Variants in MAN1A2 observed in about 807,000 individuals in gnomAD.
The protein encoded by MAN1A2 is mannosyl-oligosaccharide 1,2-alpha-mannosidase IB.
Under a neutral mutation model 75.7 loss-of-function variants are expected in MAN1A2, and 26 were observed. The observed-to-expected ratio is 0.34, with a 90% CI of 0.25 to 0.48. MAN1A2 has a LOEUF of 0.48. Among genes scored for constraint, MAN1A2 ranks in the 20% least tolerant of loss-of-function variants. MAN1A2 has a pLI of 0.99. For synonymous variants in MAN1A2, 247 were observed against 264.6 expected (o/e 0.93, Z 0.65); for missense variants, 562 against 775.5 (o/e 0.72, Z 3.27).
chr1:117,388,762 A>G (rs941193435), intron 1 of MAN1A2, among the ~76,000 whole-genome samples: 3 of 152,222 alleles, frequency 2.0e-5, no homozygotes, highest in Non-Finnish European at 4.4e-5. Flanking sequence ...AGATGCCTGT[A>G]GTACTAATAA....
chr1:117,487,623 C>T (rs565179408), intron 8 of MAN1A2, among the ~76,000 whole-genome samples: 17 of 151,982 alleles, frequency 1.1e-4, no homozygotes, highest in African/African-American at 3.4e-4. Flanking sequence ...TTAACATAAC[C>T]GCAAAATAGA....
chr1:117,401,099 A>T (rs1443232932), intron 1 of MAN1A2, among the ~76,000 whole-genome samples: 3 of 151,262 alleles, frequency 2.0e-5, no homozygotes, highest in Admixed American at 1.3e-4. Flanking sequence ...TACCTTCTAC[A>T]AGTGGAATCA....
At chr1:117,445,873 T>TA in intron 6 of MAN1A2, among the ~76,000 whole-genome samples, 1 of 122,104 alleles carries the variant, frequency 8.2e-6, no homozygotes, top group Non-Finnish European at 1.7e-5. Context: ...TGTGTGTGTG[T>TA]CTGTGTGTGT....
intron 8 of MAN1A2, among the ~76,000 whole-genome samples, chr1:117,477,649 G>T (rs1296742577): frequency 6.6e-6 from 1 of 151,822 alleles, no homozygotes; most frequent in African/African-American, 2.4e-5. Flanking sequence ...AAAATAATAA[G>T]ACCTATTTAT....
intron 8 of MAN1A2, among the ~76,000 whole-genome samples, chr1:117,475,727 G>T (rs965063846): frequency 4.6e-5 from 7 of 152,114 alleles, no homozygotes; most frequent in Admixed American, 3.9e-4. Context: ...GTATTCCATG[G>T]TGTATATGTG....
intron 12 of MAN1A2, among the ~76,000 whole-genome samples, chr1:117,521,980 AT>A (rs1651883107): frequency 6.6e-6 from 1 of 151,948 alleles, no homozygotes. Context: ...GAGCTAAGCT[AT>A]GAGGACACAA....
intron 6 of MAN1A2, among the ~76,000 whole-genome samples, chr1:117,449,026 C>T (rs951026291): frequency 8.6e-5 from 13 of 151,964 alleles, no homozygotes; most frequent in African/African-American, 2.9e-4. Flanking sequence ...AATATGTGAT[C>T]GGTGATCTTT....
rs1467658839 is a variant in MAN1A2 at position 117,525,678 on chromosome 1, T to G, written c.*2721T>G. The G allele has an allele frequency of 6.6e-6, 1 of 151,916 alleles. No homozygotes were observed. The highest frequency in any genetic ancestry group is 1.5e-5 in the Non-Finnish European group (1 of 67,852). 9.4% of individuals were successfully genotyped at this position (151,916 alleles called of 1,614,324 possible). A position where few individuals can be genotyped will look rare whatever the true frequency, so the allele number is the denominator to read the frequency against. ...AAATAGGAATTTTGAACACTGTTCT[T>G]CCTTCTACATTTATTTCTCTTCATT... On this transcript the variant is annotated 3_prime_UTR_variant, in exon 13 of 13. Coordinates refer to ENST00000356554, the MANE Select transcript of MAN1A2 (RefSeq NM_006699.5).
chr1:117,439,030 G>A (rs2101808931), intron 5 of MAN1A2, among the ~76,000 whole-genome samples: 1 of 152,340 alleles, frequency 6.6e-6, no homozygotes, highest in East Asian at 1.9e-4. Flanking sequence ...GTGAAGACCT[G>A]AAGGAGATTA....
intron 1 of MAN1A2, among the ~76,000 whole-genome samples, chr1:117,374,683 T>C (rs1422525179): frequency 6.6e-6 from 1 of 152,354 alleles, no homozygotes; most frequent in East Asian, 1.9e-4. Context: ...TATTTAGATA[T>C]GCTATTCAAC....
In MAN1A2 at chr1:117,502,840, T is replaced by C. The variant is rs373154104; in HGVS notation, c.1678-15T>C. The C allele has an allele frequency of 1.5e-6, 2 of 1,372,366 alleles. No homozygotes were observed. Among genetic ancestry groups the C allele is most frequent in the Non-Finnish European group, 2.1e-6 (2 of 967,660 alleles). The allele number at this position is 1,372,366 out of a possible 1,614,324, so 85.0% of individuals were successfully genotyped here. A position where few individuals can be genotyped will look rare whatever the true frequency, so the allele number is the denominator to read the frequency against. ...ATTCTACGGAATTGCTTATTTTGTC[T>C]GATCTCTTTCATAGGCCATTGAAAA... On this transcript the variant is annotated splice_polypyrimidine_tract_variant and intron_variant, in intron 11 of 12. Transcript: ENST00000356554.
chr1:117,424,224 G>A (rs1465144866), intron 5 of MAN1A2, among the ~76,000 whole-genome samples: 2 of 152,092 alleles, frequency 1.3e-5, no homozygotes, highest in African/African-American at 4.8e-5. Context: ...GGCAGAGAAT[G>A]GTTTTATTTG....
At chr1:117,379,099 C>T (rs1653249047) in intron 1 of MAN1A2, among the ~76,000 whole-genome samples, 2 of 151,956 alleles carry the variant, frequency 1.3e-5, no homozygotes, top group South Asian at 4.1e-4. Context: ...ATTTTCAGTT[C>T]TGATAGTTGT....
intron 1 of MAN1A2, among the ~76,000 whole-genome samples, chr1:117,371,784 C>T (rs1325275604): frequency 6.6e-6 from 1 of 152,126 alleles, no homozygotes; most frequent in Non-Finnish European, 1.5e-5. Flanking sequence ...TGTCAGCATT[C>T]ACAGATCAGG....
intron 5 of MAN1A2, among the ~76,000 whole-genome samples, chr1:117,422,951 G>A (rs1292329300): frequency 2.0e-5 from 3 of 152,056 alleles, no homozygotes; most frequent in African/African-American, 7.2e-5. Flanking sequence ...TATGGTTCAT[G>A]CATTTGGTAT....
chr1:117,375,987 C>CT (rs1653125332), intron 1 of MAN1A2, among the ~76,000 whole-genome samples: 1 of 151,190 alleles, frequency 6.6e-6, no homozygotes, highest in Admixed American at 6.6e-5. Context: ...TCTCGGCTCA[C>CT]TGCAAGCTCC....
chr1:117,410,970 G>A (rs1367127395), intron 3 of MAN1A2, among the ~76,000 whole-genome samples: 1 of 151,770 alleles, frequency 6.6e-6, no homozygotes, highest in African/African-American at 2.4e-5. Context: ...ACTTAATGGA[G>A]AGAAATGCCA....
intron 12 of MAN1A2, 85 bp from the exon 13 acceptor site, chr1:117,522,740 G>C: frequency 6.0e-6 from 7 of 1,166,694 alleles, no homozygotes; most frequent in Non-Finnish European, 8.7e-6. Flanking sequence ...ATACGTTATT[G>C]GTTTTCTGTG....
chr1:117,428,956 G>A (rs1203265763), intron 5 of MAN1A2, among the ~76,000 whole-genome samples: 2 of 141,680 alleles, frequency 1.4e-5, no homozygotes, highest in East Asian at 2.0e-4. Flanking sequence ...GCGGCCTTCC[G>A]CAGTGTTTGT....
Sources: gnomAD v4.1 joint callset for allele counts (sites outside exome capture counted in the v4.1 genomes callset) on GRCh38, gnomAD v4.1.1 for gene constraint, MANE v1.5 for transcripts, NCBI Gene and HGNC (gene_info 2026-07-23, HGNC 2026-07-21) for gene names.